The following SNTG2 variants were observed in gnomAD, a reference collection of about 807,000 sequenced individuals.
SNTG2 encodes syntrophin gamma 2, also known as gamma-2-syntrophin.
In SNTG2, 74 loss-of-function variants were observed where a neutral mutation model predicts 70.9. That is an observed-to-expected ratio of 1.04 (90% CI 0.86 to 1.27). The LOEUF (loss-of-function observed/expected upper bound fraction) is 1.27. SNTG2 is among the 50% of genes most tolerant of loss of function. SNTG2 has a pLI of 0.00. For synonymous variants in SNTG2, 278 were observed against 273.8 expected, an observed-to-expected ratio of 1.02 and a Z score of -0.15; for missense variants, 717 against 690.7, an observed-to-expected ratio of 1.04 and a Z score of -0.43.
intron 12 of SNTG2, among the ~76,000 whole-genome samples, chr2:1,251,765 G>A (rs1025728993): frequency 7.1e-5 from 10 of 141,798 alleles, no homozygotes; most frequent in African/African-American, 1.1e-4. Context: ...CACACTACAC[G>A]CACACCACAT....
chr2:1,229,747 G>A (rs991501759), intron 9 of SNTG2, among the ~76,000 whole-genome samples: 9 of 152,250 alleles, frequency 5.9e-5, no homozygotes, highest in South Asian at 2.1e-4. Context: ...CTGCCCCGCC[G>A]GAAGGCAGCC....
intron 1 of SNTG2, among the ~76,000 whole-genome samples, chr2:953,923 A>G (rs755975625): frequency 1.3e-5 from 2 of 151,508 alleles, no homozygotes; most frequent in Non-Finnish European, 2.9e-5. Flanking sequence ...CTGCTTCTCA[A>G]GATACCCCAT....
chr2:1,054,204 G>T (rs962890606), intron 1 of SNTG2, among the ~76,000 whole-genome samples: 1 of 152,036 alleles, frequency 6.6e-6, no homozygotes, highest in Non-Finnish European at 1.5e-5. Context: ...GGGGTGTTCT[G>T]CCACCTTGTC....
At position 1,267,548 on chromosome 2, in the gene SNTG2, T is replaced by A; in HGVS notation, c.1261T>A (p.Phe421Ile). The change falls in exon 14 of 17, where the codon TTC (phenylalanine) becomes ATC (isoleucine). Residue 421 changes from phenylalanine (F) to isoleucine (I), a missense_variant. Phe to Ile is a conservative substitution (Grantham distance 21). Transcript: ENST00000308624. The part of the protein sequence containing the change: ...MWEKSFQRAT[F>I]MEVQRTGSRT... The stretch of plus-strand genomic sequence containing the variant: ...GGAGAAGTCCTTCCAAAGAGCCACG[T>A]TCATGGAAGTTCAGAGAACCGGGGT... The A allele has an allele frequency of 6.2e-7, 1 of 1,613,070 alleles. No homozygotes were observed. Among genetic ancestry groups the A allele is most frequent in the Non-Finnish European group, 8.5e-7 (1 of 1,179,880 alleles).
At chr2:1,058,358 C>T (rs1427280373) in intron 1 of SNTG2, among the ~76,000 whole-genome samples, 1 of 152,172 alleles carries the variant, frequency 6.6e-6, no homozygotes, top group African/African-American at 2.4e-5. Flanking sequence ...GCAAACAACA[C>T]ACCAGTAGTG....
intron 14 of SNTG2, among the ~76,000 whole-genome samples, chr2:1,300,743 C>A (rs1293094766): frequency 6.6e-6 from 1 of 152,098 alleles, no homozygotes; most frequent in Non-Finnish European, 1.5e-5. Flanking sequence ...AATCTTAATG[C>A]TTTTGTTTAG....
intron 6 of SNTG2, among the ~76,000 whole-genome samples, chr2:1,146,230 A>T (rs1394938996): frequency 6.6e-6 from 1 of 152,228 alleles, no homozygotes; most frequent in Non-Finnish European, 1.5e-5. Context: ...ATTATATACA[A>T]TTTAATTGCC....
At chr2:1,137,536 G>A in intron 4 of SNTG2, 86 bp from the exon 5 acceptor site, 1 of 1,461,738 alleles carries the variant, frequency 6.8e-7, no homozygotes, top group East Asian at 2.3e-5. Context: ...TTCAGCTACT[G>A]CAAGCCCTGT....
At chr2:988,642 A>G (rs1164929171) in intron 1 of SNTG2, among the ~76,000 whole-genome samples, 1 of 152,136 alleles carries the variant, frequency 6.6e-6, no homozygotes, top group Non-Finnish European at 1.5e-5. Context: ...CGTGGACGCT[A>G]TAGACACGAT....
intron 4 of SNTG2, among the ~76,000 whole-genome samples, chr2:1,130,923 C>T (rs571115138): frequency 4.6e-5 from 7 of 152,326 alleles, no homozygotes; most frequent in Admixed American, 3.3e-4. Context: ...AGCCTATCAT[C>T]AATACCATAG....
chr2:1,178,046 A>G (rs1671601411), intron 8 of SNTG2, among the ~76,000 whole-genome samples: 1 of 152,168 alleles, frequency 6.6e-6, no homozygotes. Flanking sequence ...TCAAGGGAAA[A>G]ATACATAGAT....
chr2:1,275,145 G>A (rs1196626320), intron 14 of SNTG2, among the ~76,000 whole-genome samples: 1 of 152,198 alleles, frequency 6.6e-6, no homozygotes, highest in Non-Finnish European at 1.5e-5. Flanking sequence ...GAGAATGGCA[G>A]CAAGCCACCC....
intron 8 of SNTG2, among the ~76,000 whole-genome samples, chr2:1,178,108 T>C (rs1671605907): frequency 6.6e-6 from 1 of 152,182 alleles, no homozygotes; most frequent in African/African-American, 2.4e-5. Context: ...GGCATGCTAG[T>C]TGGTTTTCTG....
chr2:1,091,603 C>A (rs944734083), intron 2 of SNTG2, among the ~76,000 whole-genome samples: 2 of 152,188 alleles, frequency 1.3e-5, no homozygotes, highest in African/African-American at 4.8e-5. Context: ...CCCATGAAGC[C>A]CGCCAAGGGC....
intron 1 of SNTG2, among the ~76,000 whole-genome samples, chr2:956,152 CTGCCCCTGCCCT>C (rs1358783861): frequency 1.4e-5 from 1 of 71,526 alleles, no homozygotes; most frequent in East Asian, 2.6e-4. Flanking sequence ...CGCCCCGCCC[CTGCCCCTGCCCT>C]GCACCTACCC....
intron 9 of SNTG2, among the ~76,000 whole-genome samples, chr2:1,232,493 TCA>T (rs773528939): frequency 6.6e-6 from 1 of 152,068 alleles, no homozygotes; most frequent in African/African-American, 2.4e-5. Flanking sequence ...AGACGGGGTT[TCA>T]CCATGTTGGT....
At chr2:1,154,995 CA>C (rs1456075489) in intron 6 of SNTG2, among the ~76,000 whole-genome samples, 3 of 88,294 alleles carry the variant, frequency 3.4e-5, no homozygotes, top group Non-Finnish European at 1.0e-4. Context: ...CACACATATA[CA>C]CACACACAAA....
chr2:987,542 G>A (rs1221210470), intron 1 of SNTG2, among the ~76,000 whole-genome samples: 1 of 152,078 alleles, frequency 6.6e-6, no homozygotes, highest in Non-Finnish European at 1.5e-5. Flanking sequence ...GGAGCCAGGG[G>A]ACTCCAGCGT....
At chr2:1,308,419 A>T in intron 14 of SNTG2, 75 bp from the exon 15 acceptor site, 2 of 1,328,360 alleles carry the variant, frequency 1.5e-6, no homozygotes, top group Non-Finnish European at 2.1e-6. Context: ...AAGGGGGGTT[A>T]ATATGGAGAC....
Sources: gnomAD v4.1 joint callset for allele counts (sites outside exome capture counted in the v4.1 genomes callset) on GRCh38, gnomAD v4.1.1 for gene constraint, MANE v1.5 for transcripts, NCBI Gene and HGNC (gene_info 2026-07-23, HGNC 2026-07-21) for gene names.